SCFD2: variants seen among roughly 807,000 people sequenced by gnomAD.
The protein encoded by SCFD2 is sec1 family domain-containing protein 2.
Under a neutral mutation model 58.9 loss-of-function variants are expected in SCFD2, and 54 were observed. That is an observed-to-expected ratio of 0.92 (90% CI 0.74 to 1.15). The LOEUF (loss-of-function observed/expected upper bound fraction) is 1.15. Ranked by LOEUF, SCFD2 falls within the 50% of genes most tolerant of loss-of-function variation. The probability of loss-of-function intolerance (pLI) is 0.00; values close to 1 mark genes in which losing one functional copy is unlikely to be tolerated. For synonymous variants in SCFD2, 321 were observed against 335.9 expected (o/e 0.96, Z 0.49); for missense variants, 805 against 836.6 (o/e 0.96, Z 0.47).
At chr4:53,027,345 G>C (rs1722501984) in intron 5 of SCFD2, among the ~76,000 whole-genome samples, 1 of 151,984 alleles carries the variant, frequency 6.6e-6, no homozygotes, top group South Asian at 2.1e-4. Flanking sequence ...TAGGTAAAGT[G>C]GGCTGACCTG....
intron 7 of SCFD2, among the ~76,000 whole-genome samples, chr4:52,898,562 T>A (rs1345620346): frequency 6.6e-6 from 1 of 152,232 alleles, no homozygotes; most frequent in Non-Finnish European, 1.5e-5. Flanking sequence ...TGAGGAGTGT[T>A]CTACTTCCAA....
intron 3 of SCFD2, among the ~76,000 whole-genome samples, chr4:53,310,490 TTTAGAC>T (rs1317958861): frequency 6.6e-6 from 1 of 152,218 alleles, no homozygotes; most frequent in Non-Finnish European, 1.5e-5. Context: ...GAGTGGCCAT[TTTAGAC>T]TTAAACAAAT....
intron 5 of SCFD2, chr4:52,956,503 T>C (rs895866161): frequency 1.3e-5 from 4 of 315,624 alleles, no homozygotes; most frequent in East Asian, 1.7e-4. Context: ...CCAGGCCCTT[T>C]CTGTCTCTTG....
intron 4 of SCFD2, among the ~76,000 whole-genome samples, chr4:53,266,067 G>T: frequency 6.6e-6 from 1 of 152,062 alleles, no homozygotes; most frequent in East Asian, 1.9e-4. Flanking sequence ...TTTTTCTTGT[G>T]ATGACTAGCA....
At chr4:53,066,297 C>A (rs1723661232) in intron 5 of SCFD2, among the ~76,000 whole-genome samples, 1 of 152,068 alleles carries the variant, frequency 6.6e-6, no homozygotes. Flanking sequence ...AAAAACTGTA[C>A]AAGAATCATG....
chr4:53,130,276 A>T (rs1725749602), intron 5 of SCFD2, among the ~76,000 whole-genome samples: 1 of 152,214 alleles, frequency 6.6e-6, no homozygotes, highest in Non-Finnish European at 1.5e-5. Context: ...GAAATTCCAT[A>T]CAATTATTGT....
chr4:53,087,444 C>T (rs557008116), intron 5 of SCFD2, among the ~76,000 whole-genome samples: 2 of 152,220 alleles, frequency 1.3e-5, no homozygotes, highest in South Asian at 4.1e-4. Flanking sequence ...AGTGATTCTC[C>T]TGCCTCAGCC....
intron 4 of SCFD2, among the ~76,000 whole-genome samples, chr4:53,237,652 C>T (rs1729685936): frequency 1.5e-5 from 2 of 130,768 alleles, no homozygotes; most frequent in Non-Finnish European, 1.7e-5. Context: ...GGCTGACCCC[C>T]CCACCTCCCT....
chr4:53,299,124 G>C (rs770276254), intron 3 of SCFD2, among the ~76,000 whole-genome samples: 1 of 152,182 alleles, frequency 6.6e-6, no homozygotes, highest in African/African-American at 2.4e-5. Flanking sequence ...AGAGAGGAAG[G>C]CTTCAGAAGA....
intron 3 of SCFD2, among the ~76,000 whole-genome samples, chr4:53,277,211 C>T (rs1731354068): frequency 6.6e-6 from 1 of 152,190 alleles, no homozygotes; most frequent in South Asian, 2.1e-4. Flanking sequence ...AATTCAGCCT[C>T]TTACGTGTCA....
At chr4:53,335,878 C>A (rs944019135) in intron 2 of SCFD2, among the ~76,000 whole-genome samples, 12 of 152,154 alleles carry the variant, frequency 7.9e-5, no homozygotes, top group African/African-American at 2.9e-4. Context: ...ATGCTCACAA[C>A]CCTTCTCCTA....
chr4:52,925,418 T>C (rs1180715857), intron 5 of SCFD2, among the ~76,000 whole-genome samples: 1 of 151,584 alleles, frequency 6.6e-6, no homozygotes, highest in Non-Finnish European at 1.5e-5. Context: ...AAAGAGATGC[T>C]AAAATGGAGG....
intron 5 of SCFD2, among the ~76,000 whole-genome samples, chr4:53,005,132 AAGT>A (rs1377520632): frequency 6.6e-6 from 1 of 152,108 alleles, no homozygotes; most frequent in Middle Eastern, 3.2e-3. Context: ...TCCTGACCTC[AAGT>A]GATCCACTCG....
intron 5 of SCFD2, among the ~76,000 whole-genome samples, chr4:52,954,269 G>A (rs893320054): frequency 6.6e-6 from 1 of 152,180 alleles, no homozygotes; most frequent in Non-Finnish European, 1.5e-5. Context: ...TTGATGGGTG[G>A]GAAGCAGGCC....
intron 5 of SCFD2, among the ~76,000 whole-genome samples, chr4:53,021,375 T>C (rs1722345501): frequency 6.6e-6 from 1 of 152,214 alleles, no homozygotes; most frequent in South Asian, 2.1e-4. Flanking sequence ...ACTTCATTTT[T>C]AATAATAGCA....
intron 5 of SCFD2, among the ~76,000 whole-genome samples, chr4:53,009,090 T>G (rs1415222512): frequency 6.6e-6 from 1 of 152,278 alleles, no homozygotes; most frequent in South Asian, 2.1e-4. Flanking sequence ...CTTGCCATCT[T>G]CCATAAATGA....
chr4:53,236,713 T>A (rs13102500), intron 4 of SCFD2, among the ~76,000 whole-genome samples: 147,100 of 150,458 alleles, frequency 0.98, 72,007 homozygotes, highest in Middle Eastern at 1. Context: ...ACAGTAATTA[T>A]ATATTTATAT....
rs539640763 is a variant in SCFD2 at position 53,250,639 on chromosome 4, T to A, written c.1311+23187A>T. The stretch of plus-strand genomic sequence containing the variant: ...GGAAACTGAGCAAGCTGCTCCTGAA[T>A]GAATACTGGGTAAATAATGAAATGA... On this transcript the variant is annotated intron_variant, in intron 4 of 8. Transcript: ENST00000401642. Among the ~76,000 whole-genome samples the A allele has an allele frequency of 1.9e-4, 29 of 152,332 alleles. No individual in the cohort carries two copies. In the East Asian group the frequency reaches 5.4e-3, roughly 28 times the overall value.
chr4:53,273,741 T>A (rs1398614853), intron 4 of SCFD2, 85 bp downstream of exon 4: 2 of 1,144,536 alleles, frequency 1.7e-6, no homozygotes, highest in African/African-American at 1.6e-5. Context: ...GATTTATTAC[T>A]AAGGCTATAA....
Sources: allele counts gnomAD v4.1 joint callset (sites outside exome capture counted in the v4.1 genomes callset), GRCh38; gene constraint gnomAD v4.1.1; transcripts MANE v1.5; gene names NCBI Gene and HGNC (gene_info 2026-07-23, HGNC 2026-07-21).